The following KCNN2 variants were observed in gnomAD, a reference collection of about 807,000 sequenced individuals.
The protein encoded by KCNN2 is potassium calcium-activated channel subfamily N member 2.
A neutral mutation model predicts 55.5 loss-of-function variants in KCNN2; 24 were observed. The observed-to-expected ratio is 0.43, with a 90% CI of 0.31 to 0.61. KCNN2 has a LOEUF of 0.61. Among genes scored for constraint, KCNN2 ranks in the 20% least tolerant of loss-of-function variants. The pLI, the probability that KCNN2 is intolerant of heterozygous loss-of-function variation, is 0.08. For synonymous variants in KCNN2, 431 were observed against 336.1 expected (o/e 1.28, Z -3.09); for missense variants, 754 against 853.6 (o/e 0.88, Z 1.45).
chr5:114,352,910 T>G lies in KCNN2; in HGVS notation c.-184-8035T>G, dbSNP rs1369332673. On this transcript the variant is annotated intron_variant, in intron 2 of 10. Coordinates refer to the KCNN2 transcript ENST00000512097. ...TAAATGTCTGTGAGGTACAGTTGGT[T>G]TATACTGCTGTTAACATTTTCTGTA... Among the ~76,000 whole-genome samples, 5 of 151,874 alleles carry G rather than the reference T, an allele frequency of 3.3e-5. No individual in the cohort carries two copies. In the East Asian group the frequency reaches 9.6e-4, roughly 29 times the overall value.
intron 1 of KCNN2, among the ~76,000 whole-genome samples, chr5:114,180,741 C>G (rs1017927250): frequency 1.3e-5 from 2 of 152,126 alleles, no homozygotes; most frequent in Non-Finnish European, 2.9e-5. Context: ...TAATACAATA[C>G]AGACTATAGC....
intron 1 of KCNN2, among the ~76,000 whole-genome samples, chr5:114,127,463 T>TAAA (rs1337189154): frequency 6.6e-6 from 1 of 152,188 alleles, no homozygotes; most frequent in Non-Finnish European, 1.5e-5. Context: ...TGGCGTCTTT[T>TAAA]AGCCACAGCT....
chr5:114,291,997 A>C (rs1755899797), intron 2 of KCNN2, among the ~76,000 whole-genome samples: 1 of 152,004 alleles, frequency 6.6e-6, no homozygotes, highest in Non-Finnish European at 1.5e-5. Context: ...TTCTTTTGAG[A>C]AGTGTCTGTT....
chr5:114,076,201 T>C (rs750540217), intron 1 of KCNN2, among the ~76,000 whole-genome samples: 170 of 152,318 alleles, frequency 1.1e-3, no homozygotes, highest in Non-Finnish European at 5.6e-4. Flanking sequence ...TCACCTACCC[T>C]CCTCCTCTTT....
At chr5:114,244,313 T>TA (rs1247710907) in intron 2 of KCNN2, among the ~76,000 whole-genome samples, 25 of 137,650 alleles carry the variant, frequency 1.8e-4, no homozygotes, top group Admixed American at 8.6e-4. Flanking sequence ...CTTGTTTATT[T>TA]AAAAAAAAAG....
At chr5:114,170,580 C>T (rs1314945989) in intron 1 of KCNN2, among the ~76,000 whole-genome samples, 8 of 151,946 alleles carry the variant, frequency 5.3e-5, no homozygotes, top group African/African-American at 1.7e-4. Context: ...TGTTTTCCTG[C>T]ACACAGTAAA....
At chr5:114,397,379 G>A (rs377196132) in intron 2 of KCNN2, among the ~76,000 whole-genome samples, 21 of 151,982 alleles carry the variant, frequency 1.4e-4, no homozygotes, top group African/African-American at 4.8e-4. Context: ...AACCTCACCA[G>A]CATCTGTTAG....
chr5:114,227,501 C>T (rs982313140), intron 2 of KCNN2, among the ~76,000 whole-genome samples: 1 of 152,190 alleles, frequency 6.6e-6, no homozygotes, highest in African/African-American at 2.4e-5. Flanking sequence ...GTTGCCCATA[C>T]AACTTGTTTT....
intron 1 of KCNN2, among the ~76,000 whole-genome samples, chr5:114,189,637 T>A (rs559816362): frequency 2.6e-4 from 40 of 152,344 alleles, no homozygotes; most frequent in Non-Finnish European, 5.7e-4. Context: ...TCAGGCACTA[T>A]TCCAAGCACT....
intron 2 of KCNN2, among the ~76,000 whole-genome samples, chr5:114,264,799 C>T (rs1050247621): frequency 2.6e-5 from 4 of 152,250 alleles, no homozygotes; most frequent in East Asian, 1.9e-4. Flanking sequence ...CACCAGAGGC[C>T]CCCATCTTCT....
At position 114,103,603 on chromosome 5, in the gene KCNN2, A is replaced by G. The variant is rs370195050; in HGVS notation, c.-271+47103A>G. ...TATTATTTTGAGGTACATTTTATCA[A>G]TGCCTAGTTTATTGAGTGTTTTTAG... On this transcript the variant is annotated intron_variant, in intron 1 of 10. Transcript: ENST00000512097. Among the ~76,000 whole-genome samples the G allele has an allele frequency of 1.1e-4, 17 of 152,228 alleles. 1 individual carries two copies. In the East Asian group the frequency reaches 2.1e-3, roughly 19 times the overall value.
chr5:114,296,793 A>T (rs1756020251), intron 2 of KCNN2, among the ~76,000 whole-genome samples: 1 of 152,236 alleles, frequency 6.6e-6, no homozygotes, highest in African/African-American at 2.4e-5. Flanking sequence ...GTTTGTTTTT[A>T]ATTTTTGAGA....
chr5:114,233,755 T>C (rs1331238740), intron 2 of KCNN2, among the ~76,000 whole-genome samples: 1 of 152,214 alleles, frequency 6.6e-6, no homozygotes, highest in East Asian at 1.9e-4. Context: ...CTTTGCAATT[T>C]GCTCCAAAAA....
intron 1 of KCNN2, among the ~76,000 whole-genome samples, chr5:114,093,126 A>G (rs949543568): frequency 6.6e-6 from 1 of 152,090 alleles, no homozygotes; most frequent in Non-Finnish European, 1.5e-5. Flanking sequence ...CCAATTTCAG[A>G]TCATCTCTCT....
At chr5:114,160,605 G>A (rs1194829811) in intron 1 of KCNN2, among the ~76,000 whole-genome samples, 3 of 152,096 alleles carry the variant, frequency 2.0e-5, no homozygotes, top group Non-Finnish European at 2.9e-5. Flanking sequence ...ACAGTGGGGT[G>A]TTAAAGTCTC....
At chr5:114,166,390 GC>G (rs1752914118) in intron 1 of KCNN2, among the ~76,000 whole-genome samples, 1 of 152,130 alleles carries the variant, frequency 6.6e-6, no homozygotes, top group South Asian at 2.1e-4. Context: ...GTTACATGCT[GC>G]CTTCGCGGTA....
intron 1 of KCNN2, among the ~76,000 whole-genome samples, chr5:114,208,305 G>T (rs1753814304): frequency 6.6e-6 from 1 of 152,070 alleles, no homozygotes. Context: ...GTCATCCCTT[G>T]CCTGTTTCCC....
chr5:114,159,611 C>A (rs1015730418), intron 1 of KCNN2, among the ~76,000 whole-genome samples: 1 of 152,108 alleles, frequency 6.6e-6, no homozygotes, highest in Non-Finnish European at 1.5e-5. Flanking sequence ...TGGTAGAATT[C>A]AGCTGTGAGT....
chr5:114,475,338 A>C (rs977353351), intron 5 of KCNN2, among the ~76,000 whole-genome samples: 15 of 151,714 alleles, frequency 9.9e-5, no homozygotes, highest in African/African-American at 3.6e-4. Flanking sequence ...ACCATACTTG[A>C]CTTCTACACA....
Sources: allele counts gnomAD v4.1 joint callset (sites outside exome capture counted in the v4.1 genomes callset), GRCh38; gene constraint gnomAD v4.1.1; transcripts MANE v1.5; gene names NCBI Gene and HGNC (gene_info 2026-07-23, HGNC 2026-07-21).